SF3B1: variants seen among roughly 807,000 people sequenced by gnomAD.
SF3B1 encodes splicing factor 3b subunit 1, also known as pre-mRNA processing 10.
In SF3B1, 12 loss-of-function variants were observed where a neutral mutation model predicts 153.8. The ratio of observed to expected loss-of-function variants is 0.08; its 90% CI spans 0.05 to 0.13. The LOEUF (loss-of-function observed/expected upper bound fraction) is 0.13. Ranked by LOEUF, SF3B1 falls within the 10% of genes least tolerant of loss-of-function variation. The pLI, the probability that SF3B1 is intolerant of heterozygous loss-of-function variation, is 1.00. For missense variants in SF3B1, 513 were observed against 1,606.1 expected (o/e 0.32, Z 11.63); for synonymous variants, 498 against 525.2 (o/e 0.95, Z 0.71).
chr2:197,429,986 C>T (rs1414001183), intron 1 of SF3B1, among the ~76,000 whole-genome samples: 4 of 151,882 alleles, frequency 2.6e-5, no homozygotes, highest in East Asian at 1.9e-4. Context: ...CCAGACTGTG[C>T]GAAACCACAG....
At chr2:197,392,946 G>C (rs184510725) in intron 24 of SF3B1, 26 bp downstream of exon 24, 2 of 1,368,906 alleles carry the variant, frequency 1.5e-6, no homozygotes, top group South Asian at 1.3e-5. Flanking sequence ...AAAAATCACC[G>C]ATTAAAAAAA....
intron 9 of SF3B1, 59 bp from the exon 10 acceptor site, chr2:197,405,531 C>A: frequency 1.7e-6 from 2 of 1,168,400 alleles, no homozygotes; most frequent in Non-Finnish European, 2.5e-6. Context: ...GCATAATGAA[C>A]AATATTTGCA....
chr2:197,425,538 TAA>T (rs1420380014), intron 1 of SF3B1, among the ~76,000 whole-genome samples: 1 of 151,928 alleles, frequency 6.6e-6, no homozygotes, highest in Non-Finnish European at 1.5e-5. Flanking sequence ...AATCAAAAGA[TAA>T]AGATTCAAAT....
At chr2:197,416,979 A>C in intron 5 of SF3B1, 68 bp from the exon 6 acceptor site, 1 of 1,453,386 alleles carries the variant, frequency 6.9e-7, no homozygotes, top group Non-Finnish European at 9.5e-7. Flanking sequence ...TAGCGCAATC[A>C]CTTCCACTTA....
Position 197,400,227 on chromosome 2 carries a change from G to T in SF3B1, c.2901+25C>A, listed in dbSNP as rs1410730642. 1 of 1,612,126 alleles carries T rather than the reference G, an allele frequency of 6.2e-7. No homozygotes were observed. The highest frequency in any genetic ancestry group is 1.7e-5 in the Admixed American group (1 of 59,928). On this transcript the variant is annotated intron_variant, in intron 19 of 24. Coordinates refer to ENST00000335508, the MANE Select transcript of SF3B1 (RefSeq NM_012433.4). This position sits in a 1 kb window ranked among gnomAD's most constrained non-coding sequence, Gnocchi z 5.0. ...TTACATTAAACTATTTGGGGAAGAA[G>T]TAAGAATTTGATGCAAAAGTTTACC...
At chr2:197,397,960 T>C (rs1245399590) in intron 22 of SF3B1, 25 bp downstream of exon 22, 1 of 1,569,632 alleles carries the variant, frequency 6.4e-7, no homozygotes, top group Non-Finnish European at 8.7e-7. Context: ...GTAATTTTTT[T>C]TTAATGGAAG....
Position 197,408,349 on chromosome 2 carries a change from G to A in SF3B1, c.1117+20C>T, listed in dbSNP as rs775378367. ...AATTTATGGAGAAAAAAACAATTAT[G>A]TCCAATGAGACAGTTCTACCTGGAG... On this transcript the variant is annotated intron_variant, in intron 8 of 24. Coordinates refer to ENST00000335508, the MANE Select transcript of SF3B1 (RefSeq NM_012433.4). The A allele has an allele frequency of 6.2e-7, 1 of 1,604,734 alleles. No homozygotes were observed. Among genetic ancestry groups the A allele is most frequent in the Non-Finnish European group, 8.5e-7 (1 of 1,172,132 alleles).
At position 197,400,591 on chromosome 2, in the gene SF3B1, C is replaced by G; in HGVS notation, c.2718+124G>C. ...GAGGTAGAATAATATCGTTTGGTAA[C>G]CCCCTGAGCATTTTAAAAATTACTT... On this transcript the variant is annotated intron_variant, in intron 18 of 24. Coordinates refer to ENST00000335508, the MANE Select transcript of SF3B1 (RefSeq NM_012433.4). The surrounding 1 kb of genome is among the most constrained non-coding windows in gnomAD (Gnocchi z 5.0). 1 of 997,132 alleles carries G rather than the reference C, an allele frequency of 1.0e-6. No individual in the cohort carries two copies. Among genetic ancestry groups the G allele is most frequent in the Non-Finnish European group, 1.5e-6 (1 of 682,984 alleles). The allele number at this position is 997,132 out of a possible 1,614,324, so 61.8% of individuals were successfully genotyped here.
chr2:197,405,950 A>G (rs955266561), intron 9 of SF3B1, among the ~76,000 whole-genome samples: 1 of 152,126 alleles, frequency 6.6e-6, no homozygotes, highest in Non-Finnish European at 1.5e-5. Flanking sequence ...AAACTCTACA[A>G]AAATTAGTTA....
At chr2:197,425,459 TC>T (rs1053058228) in intron 1 of SF3B1, among the ~76,000 whole-genome samples, 69 of 149,712 alleles carry the variant, frequency 4.6e-4, no homozygotes, top group African/African-American at 1.6e-3. Context: ...AGAGCGAAAC[TC>T]CGTCTCAAAA....
At chr2:197,398,771 A>G in intron 20 of SF3B1, 190 bp from the exon 21 acceptor site, 1 of 586,980 alleles carries the variant, frequency 1.7e-6, no homozygotes, top group Non-Finnish European at 3.0e-6. Context: ...TTGATTATGT[A>G]TAGAAATGAA....
chr2:197,398,600 T>C lies in SF3B1; in HGVS notation c.3014-19A>G. ...TGCATACCTATTTAATAGAAGTCAA[T>C]AAACTATCAACATTTGAATTGCAAC... On this transcript the variant is annotated intron_variant, in intron 20 of 24. Coordinates refer to ENST00000335508, the MANE Select transcript of SF3B1 (RefSeq NM_012433.4). 6.2e-7 allele frequency: 1 copy of C among 1,607,346 alleles called. No homozygotes were observed. The highest frequency in any genetic ancestry group is 8.5e-7 in the Non-Finnish European group (1 of 1,177,124).
At chr2:197,396,597 T>G (rs1443774721) in intron 22 of SF3B1, among the ~76,000 whole-genome samples, 2 of 152,206 alleles carry the variant, frequency 1.3e-5, no homozygotes, top group Non-Finnish European at 2.9e-5. Context: ...AACTCAATTT[T>G]CAAATGTAAT....
rs138785761 is a variant in SF3B1 at position 197,417,756 on chromosome 2, AAAAC to A, written c.495+749_495+752del. Among the ~76,000 whole-genome samples, 466 of 152,170 alleles carry A rather than the reference AAAAC, an allele frequency of 3.1e-3. 1 individual carries two copies. The highest frequency in any genetic ancestry group is 4.5e-3 in the Non-Finnish European group (304 of 67,996). On this transcript the variant is annotated intron_variant, in intron 5 of 24. Transcript: ENST00000335508. ...TGGGCAACAAAGGAAGACTCCACTC[AAAAC>A]AAACAAACAAAAAGTAGGCAGTTAT...
Position 197,435,016 on chromosome 2 carries a change from C to G in SF3B1, c.-17G>C. 6.2e-7 allele frequency: 1 copy of G among 1,614,294 alleles called. No homozygotes were observed. Among genetic ancestry groups the G allele is most frequent in the Non-Finnish European group, 8.5e-7 (1 of 1,180,050 alleles). ...CTTCGCCATTTTGTCCACTCGAACA[C>G]ACAGACGGAACTGGCGCTCCCAAGA... On this transcript the variant is annotated 5_prime_UTR_variant, in exon 1 of 25. Transcript: ENST00000335508.
At chr2:197,427,759 GCCTGTAAT>G (rs1480318127) in intron 1 of SF3B1, among the ~76,000 whole-genome samples, 10 of 152,106 alleles carry the variant, frequency 6.6e-5, no homozygotes, top group Admixed American at 6.6e-4. Flanking sequence ...GGTGGCTCAC[GCCTGTAAT>G]CCCAGCACTT....
chr2:197,394,036 T>C (rs908433089), intron 23 of SF3B1, among the ~76,000 whole-genome samples: 2 of 151,848 alleles, frequency 1.3e-5, no homozygotes, highest in Admixed American at 1.3e-4. Context: ...ATACAAAAAT[T>C]AGTAGGGCAT....
At chr2:197,430,901 C>T (rs1195180897) in intron 1 of SF3B1, among the ~76,000 whole-genome samples, 2 of 152,080 alleles carry the variant, frequency 1.3e-5, no homozygotes, top group Non-Finnish European at 2.9e-5. Context: ...CTCAAGCAAT[C>T]CTCCTGTCTT....
At chr2:197,427,913 G>C (rs1464397102) in intron 1 of SF3B1, among the ~76,000 whole-genome samples, 1 of 152,104 alleles carries the variant, frequency 6.6e-6, no homozygotes, top group Non-Finnish European at 1.5e-5. Flanking sequence ...CAGCTACTCA[G>C]GAGGCTGAGT....
Sources: allele counts gnomAD v4.1 joint callset (sites outside exome capture counted in the v4.1 genomes callset), GRCh38; gene constraint gnomAD v4.1.1; non-coding constraint Gnocchi (gnomAD v3.1); transcripts MANE v1.5; gene names NCBI Gene and HGNC (gene_info 2026-07-23, HGNC 2026-07-21).